Variants in TBC1D5 observed in about 807,000 individuals in gnomAD.
TBC1D5 encodes the protein TBC1 domain family, member 5.
A neutral mutation model predicts 100.3 loss-of-function variants in TBC1D5; 75 were observed. The observed-to-expected ratio is 0.75, with a 90% CI of 0.62 to 0.91. The LOEUF (loss-of-function observed/expected upper bound fraction) is 0.91. Among genes scored for constraint, TBC1D5 ranks in the 40% least tolerant of loss-of-function variants. The probability of loss-of-function intolerance (pLI) is 0.00; values close to 1 mark genes in which losing one functional copy is unlikely to be tolerated. For missense variants in TBC1D5, 910 were observed against 942.4 expected, an observed-to-expected ratio of 0.97 and a Z score of 0.45; for synonymous variants, 323 against 325.6, an observed-to-expected ratio of 0.99 and a Z score of 0.09.
chr3:17,548,300 C>T lies in TBC1D5; in HGVS notation c.-35-39695G>A, dbSNP rs188761320. On this transcript the variant is annotated intron_variant, in intron 2 of 21. Transcript: ENST00000253692. Reference sequence around the variant, plus strand: ...ACTGCACTAAGGATGGGCAACAAAGCGAGACTCGGTCTCAAAAACAAACAA... The same window carrying T: ...ACTGCACTAAGGATGGGCAACAAAGTGAGACTCGGTCTCAAAAACAAACAA... Among the ~76,000 whole-genome samples the T allele has an allele frequency of 1.0e-3, 156 of 152,136 alleles. 2 individuals carry two copies. In the South Asian group the frequency reaches 0.018, roughly 17 times the overall value.
chr3:17,233,998 A>G lies in TBC1D5; in HGVS notation c.1588+4165T>C, dbSNP rs116350514. Among the ~76,000 whole-genome samples the G allele has an allele frequency of 5.4e-3, 827 of 152,286 alleles. 9 individuals carry two copies. The highest frequency in any genetic ancestry group is 0.019 in the African/African-American group (775 of 41,578). On this transcript the variant is annotated intron_variant, in intron 17 of 21. Coordinates refer to ENST00000253692, the Ensembl canonical transcript of TBC1D5. ...CACAAACAAGTTTCAACTAGAGTATAGGAAACTTCAGCAATCAAAAGATTT... is the reference window on the plus strand; with the variant it reads ...CACAAACAAGTTTCAACTAGAGTATGGGAAACTTCAGCAATCAAAAGATTT...
At chr3:17,319,012 A>T (rs549645656) in intron 13 of TBC1D5, among the ~76,000 whole-genome samples, 1 of 152,316 alleles carries the variant, frequency 6.6e-6, no homozygotes. Context: ...GAACTTACAA[A>T]GAAAAATTAA....
intron 4 of TBC1D5, among the ~76,000 whole-genome samples, chr3:17,409,524 T>C (rs1264933838): frequency 6.6e-6 from 1 of 152,040 alleles, no homozygotes; most frequent in Non-Finnish European, 1.5e-5. Context: ...AAGGTACATC[T>C]AAAGCCAAGT....
intron 2 of TBC1D5, among the ~76,000 whole-genome samples, chr3:17,607,186 A>G (rs1308489334): frequency 6.6e-6 from 1 of 152,244 alleles, no homozygotes; most frequent in East Asian, 1.9e-4. Context: ...AAGAAATTAA[A>G]GGTAGTATTA....
At chr3:17,446,737 C>T (rs1487460491) in intron 3 of TBC1D5, among the ~76,000 whole-genome samples, 3 of 152,128 alleles carry the variant, frequency 2.0e-5, no homozygotes, top group Admixed American at 6.5e-5. Flanking sequence ...TTTGGGAGGC[C>T]GAGGCGGGTG....
intron 2 of TBC1D5, among the ~76,000 whole-genome samples, chr3:17,607,268 AG>A (rs1020877633): frequency 3.5e-5 from 4 of 113,450 alleles, no homozygotes; most frequent in African/African-American, 1.6e-4. Flanking sequence ...TAATGTGTAC[AG>A]CAAAAAAAAA....
chr3:17,668,644 G>A (rs1342476354), intron 1 of TBC1D5, among the ~76,000 whole-genome samples: 1 of 152,040 alleles, frequency 6.6e-6, no homozygotes, highest in Non-Finnish European at 1.5e-5. Context: ...GGCATCCATA[G>A]GCCACTTCCA....
At chr3:17,374,124 C>T (rs748714743) in intron 12 of TBC1D5, among the ~76,000 whole-genome samples, 2 of 151,952 alleles carry the variant, frequency 1.3e-5, no homozygotes, top group Non-Finnish European at 2.9e-5. Context: ...GCAAAACAAC[C>T]TATTTGACAC....
At chr3:17,589,330 T>C (rs1359555988) in intron 2 of TBC1D5, among the ~76,000 whole-genome samples, 2 of 152,192 alleles carry the variant, frequency 1.3e-5, no homozygotes, top group African/African-American at 4.8e-5. Context: ...TGATCTCATA[T>C]ATACTAGCAC....
In TBC1D5 at chr3:17,487,802, G is replaced by T. The variant is rs556068559; in HGVS notation, c.97+20672C>A. Among the ~76,000 whole-genome samples, 10 of 152,180 alleles carry T rather than the reference G, an allele frequency of 6.6e-5. No individual in the cohort carries two copies. In the South Asian group the frequency reaches 1.9e-3, roughly 28 times the overall value. On this transcript the variant is annotated intron_variant, in intron 3 of 21. Coordinates refer to ENST00000253692, the Ensembl canonical transcript of TBC1D5. The stretch of plus-strand genomic sequence containing the variant: ...ATGGAAGAAGAATCCTGGGATCTTG[G>T]ATTCTTTTTAATTAATAGATTTTAT...
chr3:17,507,320 C>T (rs965054895), intron 3 of TBC1D5, among the ~76,000 whole-genome samples: 8 of 151,912 alleles, frequency 5.3e-5, no homozygotes, highest in Admixed American at 3.9e-4. Flanking sequence ...AAATATTAAA[C>T]ATAAGTCTTG....
At chr3:17,325,785 A>C (rs936680890) in intron 13 of TBC1D5, among the ~76,000 whole-genome samples, 6 of 152,200 alleles carry the variant, frequency 3.9e-5, no homozygotes, top group Non-Finnish European at 8.8e-5. Flanking sequence ...AGCATAATAA[A>C]AATTCTGAAG....
intron 13 of TBC1D5, among the ~76,000 whole-genome samples, chr3:17,325,325 T>C (rs1204085410): frequency 2.0e-5 from 3 of 146,466 alleles, no homozygotes; most frequent in African/African-American, 7.5e-5. Flanking sequence ...GGATGAATCT[T>C]TTTTTTTTTT....
chr3:17,651,447 G>C (rs1249702996), intron 1 of TBC1D5, among the ~76,000 whole-genome samples: 1 of 152,228 alleles, frequency 6.6e-6, no homozygotes, highest in South Asian at 2.1e-4. Flanking sequence ...TTAAGAGATG[G>C]TTTCAGCATC....
chr3:17,726,972 T>G (rs1423991396), intron 1 of TBC1D5, among the ~76,000 whole-genome samples: 1 of 152,242 alleles, frequency 6.6e-6, no homozygotes, highest in African/African-American at 2.4e-5. Flanking sequence ...ATCAATCCTA[T>G]TATACGGCTA....
intron 2 of TBC1D5, among the ~76,000 whole-genome samples, chr3:17,585,705 A>G (rs763360110): frequency 3.3e-5 from 5 of 152,246 alleles, no homozygotes; most frequent in African/African-American, 9.6e-5. Flanking sequence ...CTGAAACTGC[A>G]TAAGTGACAC....
chr3:17,295,129 C>G (rs1328363099), intron 14 of TBC1D5, among the ~76,000 whole-genome samples: 4 of 152,056 alleles, frequency 2.6e-5, no homozygotes, highest in Non-Finnish European at 5.9e-5. Context: ...GCTTTAAAAA[C>G]AAAATAGTGA....
chr3:17,186,958 G>A (rs1405652277), intron 18 of TBC1D5, among the ~76,000 whole-genome samples: 1 of 152,056 alleles, frequency 6.6e-6, no homozygotes, highest in Non-Finnish European at 1.5e-5. Flanking sequence ...AGGTGGGGTT[G>A]TCTTCCTAAC....
At chr3:17,225,722 T>C (rs939739031) in intron 17 of TBC1D5, among the ~76,000 whole-genome samples, 1 of 151,988 alleles carries the variant, frequency 6.6e-6, no homozygotes, top group Non-Finnish European at 1.5e-5. Flanking sequence ...CACACACCTG[T>C]GGTCCCACCT....
Sources: allele counts gnomAD v4.1 joint callset (sites outside exome capture counted in the v4.1 genomes callset), GRCh38; gene constraint gnomAD v4.1.1; transcripts MANE v1.5; gene names NCBI Gene and HGNC (gene_info 2026-07-23, HGNC 2026-07-21).